The following KCNT2 variants were observed in gnomAD, a reference collection of about 807,000 sequenced individuals.
KCNT2 encodes the protein potassium sodium-activated channel subfamily T member 2.
In KCNT2, 67 loss-of-function variants were observed where a neutral mutation model predicts 153.8. That is an observed-to-expected ratio of 0.44 (90% CI 0.36 to 0.53). The LOEUF (loss-of-function observed/expected upper bound fraction) is 0.53. KCNT2 is among the 20% of genes least tolerant of loss of function. KCNT2 has a pLI of 0.00. For missense variants in KCNT2, 975 were observed against 1,354.8 expected, an observed-to-expected ratio of 0.72 and a Z score of 4.40; for synonymous variants, 500 against 458.8, an observed-to-expected ratio of 1.09 and a Z score of -1.15.
chr1:196,293,536 C>T (rs1252010458), intron 22 of KCNT2, among the ~76,000 whole-genome samples: 1 of 151,958 alleles, frequency 6.6e-6, no homozygotes, highest in African/African-American at 2.4e-5. Context: ...AACAAAGGTG[C>T]CAGGCCACAC....
intron 21 of KCNT2, among the ~76,000 whole-genome samples, chr1:196,312,281 A>C (rs537891587): frequency 1.3e-5 from 2 of 151,678 alleles, no homozygotes; most frequent in Admixed American, 1.3e-4. Flanking sequence ...CTTCTGAGTA[A>C]AGGAGTGGAG....
At chr1:196,516,875 A>T (rs1206604149) in intron 1 of KCNT2, among the ~76,000 whole-genome samples, 2 of 152,206 alleles carry the variant, frequency 1.3e-5, no homozygotes, top group Non-Finnish European at 2.9e-5. Context: ...GACCCCCAGC[A>T]TACTACAGCA....
intron 8 of KCNT2, among the ~76,000 whole-genome samples, chr1:196,434,364 A>C (rs1674429110): frequency 6.6e-6 from 1 of 152,000 alleles, no homozygotes; most frequent in Admixed American, 6.6e-5. Flanking sequence ...TTAAAAGCCG[A>C]TCTCTGATTA....
intron 13 of KCNT2, among the ~76,000 whole-genome samples, chr1:196,390,079 CTG>C (rs1484072792): frequency 6.6e-6 from 1 of 151,340 alleles, no homozygotes; most frequent in Non-Finnish European, 1.5e-5. Context: ...GCTCTTTTTT[CTG>C]TGTCACTCTC....
chr1:196,412,563 C>T (rs992466825), intron 12 of KCNT2, among the ~76,000 whole-genome samples: 1 of 151,406 alleles, frequency 6.6e-6, no homozygotes, highest in African/African-American at 2.4e-5. Flanking sequence ...TAGACTAAGG[C>T]CTGTAAACAT....
chr1:196,239,096 C>T (rs1205447014), intron 26 of KCNT2, among the ~76,000 whole-genome samples: 2 of 151,706 alleles, frequency 1.3e-5, no homozygotes, highest in African/African-American at 2.4e-5. Flanking sequence ...TCCAAGAATG[C>T]CATATTTACT....
intron 14 of KCNT2, among the ~76,000 whole-genome samples, chr1:196,367,791 A>G (rs1374722305): frequency 6.6e-6 from 1 of 152,152 alleles, no homozygotes; most frequent in Non-Finnish European, 1.5e-5. Flanking sequence ...TGCTTGAGAT[A>G]TGTCTGGAAA....
At chr1:196,468,432 T>G (rs1043523799) in intron 6 of KCNT2, among the ~76,000 whole-genome samples, 1 of 152,110 alleles carries the variant, frequency 6.6e-6, no homozygotes, top group Admixed American at 6.5e-5. Flanking sequence ...GCGATTAAAA[T>G]ATAGTTTTGC....
intron 20 of KCNT2, among the ~76,000 whole-genome samples, chr1:196,316,364 T>C (rs1162996369): frequency 6.6e-6 from 1 of 151,762 alleles, no homozygotes; most frequent in Non-Finnish European, 1.5e-5. Context: ...AATTTGTTTT[T>C]ACAGTTAACA....
At chr1:196,294,144 A>C (rs1660459532) in intron 22 of KCNT2, among the ~76,000 whole-genome samples, 1 of 152,202 alleles carries the variant, frequency 6.6e-6, no homozygotes, top group African/African-American at 2.4e-5. Context: ...AATTAAAGCT[A>C]CAATAAGATA....
intron 25 of KCNT2, among the ~76,000 whole-genome samples, chr1:196,278,327 T>C (rs1658773342): frequency 1.3e-5 from 2 of 152,196 alleles, no homozygotes; most frequent in Admixed American, 6.5e-5. Flanking sequence ...TCTTTGTTAG[T>C]TGCCTCAATT....
At chr1:196,267,115 C>A (rs553437054) in intron 25 of KCNT2, among the ~76,000 whole-genome samples, 1 of 152,320 alleles carries the variant, frequency 6.6e-6, no homozygotes, top group Non-Finnish European at 1.5e-5. Context: ...CTGTCACAAA[C>A]AATCCCTCTG....
At chr1:196,390,429 T>G (rs1451294864) in intron 13 of KCNT2, among the ~76,000 whole-genome samples, 1 of 151,480 alleles carries the variant, frequency 6.6e-6, no homozygotes, top group East Asian at 1.9e-4. Context: ...TCAATCTCCC[T>G]TGGTTGCTGC....
intron 13 of KCNT2, among the ~76,000 whole-genome samples, chr1:196,381,285 C>T (rs928337891): frequency 3.9e-5 from 6 of 151,982 alleles, no homozygotes; most frequent in African/African-American, 1.2e-4. Context: ...TTCTTTTATA[C>T]CTCTCATAAA....
intron 1 of KCNT2, among the ~76,000 whole-genome samples, chr1:196,541,804 A>T (rs1656411014): frequency 6.6e-6 from 1 of 152,132 alleles, no homozygotes; most frequent in African/African-American, 2.4e-5. Flanking sequence ...GACATGAGAT[A>T]TGCCATAAAG....
intron 12 of KCNT2, among the ~76,000 whole-genome samples, chr1:196,412,231 T>G (rs1250942784): frequency 6.6e-6 from 1 of 151,754 alleles, no homozygotes. Context: ...TTGTACACAT[T>G]TATTTAATGT....
intron 1 of KCNT2, among the ~76,000 whole-genome samples, chr1:196,606,873 C>T (rs1441637292): frequency 6.6e-6 from 1 of 152,124 alleles, no homozygotes; most frequent in Admixed American, 6.5e-5. Flanking sequence ...ATTTGTATTA[C>T]AAATTCACTT....
chr1:196,475,678 A>G (rs1678471964), intron 5 of KCNT2, among the ~76,000 whole-genome samples: 1 of 152,168 alleles, frequency 6.6e-6, no homozygotes, highest in African/African-American at 2.4e-5. Flanking sequence ...CTTTATTTAG[A>G]GACCATAAAT....
At chr1:196,305,142 A>C (rs1284774857) in intron 22 of KCNT2, 92 bp downstream of exon 22, 3 of 742,546 alleles carry the variant, frequency 4.0e-6, no homozygotes, top group Non-Finnish European at 6.9e-6. Flanking sequence ...TTTTAGTTTT[A>C]CTATCTCATG....
Sources: gnomAD v4.1 joint callset for allele counts (sites outside exome capture counted in the v4.1 genomes callset) on GRCh38, gnomAD v4.1.1 for gene constraint, MANE v1.5 for transcripts, NCBI Gene and HGNC (gene_info 2026-07-23, HGNC 2026-07-21) for gene names.